Variants in SNPH observed in about 807,000 individuals in gnomAD.
The protein encoded by SNPH is syntaphilin.
Under a neutral mutation model 36.8 loss-of-function variants are expected in SNPH, and 10 were observed. The observed-to-expected ratio is 0.27, with a 90% CI of 0.17 to 0.46. The LOEUF (loss-of-function observed/expected upper bound fraction) is 0.46. Among genes scored for constraint, SNPH ranks in the 20% least tolerant of loss-of-function variants. The pLI is 1.00. For synonymous variants in SNPH, 281 were observed against 312.2 expected, an observed-to-expected ratio of 0.90 and a Z score of 1.05; for missense variants, 622 against 744.0, an observed-to-expected ratio of 0.84 and a Z score of 1.91.
At chr20:1,277,555 C>CTG (rs147950725) in intron 2 of SNPH, among the ~76,000 whole-genome samples, 127,104 of 133,150 alleles carry the variant, frequency 0.95, 60,598 homozygotes, top group Non-Finnish European at 0.97. Context: ...GTGTGTGTAT[C>CTG]TGTGTGTGTG....
At chr20:1,271,175 A>G (rs994758082) in intron 2 of SNPH, among the ~76,000 whole-genome samples, 5 of 152,202 alleles carry the variant, frequency 3.3e-5, no homozygotes, top group African/African-American at 1.2e-4. Context: ...AGCACCGAGG[A>G]GTCAGTAGAC....
chr20:1,273,306 C>T (rs1272444296), intron 2 of SNPH, among the ~76,000 whole-genome samples: 1 of 152,166 alleles, frequency 6.6e-6, no homozygotes, highest in Non-Finnish European at 1.5e-5. Context: ...GTTTCAGGGC[C>T]TTCTAGGATT....
At chr20:1,296,469 G>A in intron 4 of SNPH, 48 bp downstream of exon 4, 1 of 1,508,100 alleles carries the variant, frequency 6.6e-7, no homozygotes, top group Non-Finnish European at 9.0e-7. Flanking sequence ...GGCGGGAGGA[G>A]GGCGCACGGG....
chr20:1,302,657 T>G (rs2088517343), intron 6 of SNPH, among the ~76,000 whole-genome samples: 1 of 152,262 alleles, frequency 6.6e-6, no homozygotes, highest in African/African-American at 2.4e-5. Context: ...CCATAGTCCC[T>G]GGCAACCACT....
At chr20:1,288,256 T>A (rs1235643948) in intron 2 of SNPH, among the ~76,000 whole-genome samples, 1 of 152,240 alleles carries the variant, frequency 6.6e-6, no homozygotes, top group African/African-American at 2.4e-5. Context: ...AAATGTTCAG[T>A]CCTCTAATTT....
intron 5 of SNPH, among the ~76,000 whole-genome samples, chr20:1,299,883 A>G (rs1177112492): frequency 6.6e-6 from 1 of 152,190 alleles, no homozygotes; most frequent in African/African-American, 2.4e-5. Context: ...ACGTGTACGC[A>G]GTGGGGGTGA....
In SNPH at chr20:1,277,521, GTGTCTGTCTGTGCA is replaced by G. The variant is rs756635414; in HGVS notation, c.-493+10765_-493+10778del. Reference sequence around the variant, plus strand: ...TATGTGTGTCCGTGTGTGTGCCTGTGTGTCTGTCTGTGCATGTGTGTCTGTGTGTGTATCTGTGT... The same window carrying G: ...TATGTGTGTCCGTGTGTGTGCCTGTGTGTGTGTCTGTGTGTGTATCTGTGT... On this transcript the variant is annotated intron_variant, in intron 2 of 6. Coordinates refer to ENST00000381867, the MANE Select transcript of SNPH (RefSeq NM_001318234.2). Among the ~76,000 whole-genome samples the G allele has an allele frequency of 3.2e-3, 474 of 148,624 alleles. 3 individuals are homozygous for G. Among genetic ancestry groups the G allele is most frequent in the Non-Finnish European group, 3.8e-3 (257 of 67,132 alleles).
At chr20:1,278,755 C>T (rs966354835) in intron 2 of SNPH, among the ~76,000 whole-genome samples, 7 of 152,152 alleles carry the variant, frequency 4.6e-5, no homozygotes, top group African/African-American at 1.7e-4. Context: ...GCGATCTTGG[C>T]TCACTGCAAC....
rs1289508256 is a variant in SNPH at position 1,294,867 on chromosome 20, G to C, written c.-492-84G>C. 6.6e-6 allele frequency: 1 copy of C among 152,450 alleles called. No individual in the cohort carries two copies. Among genetic ancestry groups the C allele is most frequent in the African/African-American group, 2.4e-5 (1 of 41,374 alleles). 9.4% of individuals were successfully genotyped at this position (152,450 alleles called of 1,614,324 possible). ...GATATTGGCTCTGCCACACACCTGG[G>C]ATGTGACTTGGCCAAGTCCCTTCCC... On this transcript the variant is annotated intron_variant, in intron 2 of 6. Transcript: ENST00000381867. This position sits in a 1 kb window ranked among gnomAD's most constrained non-coding sequence, Gnocchi z 4.4.
chr20:1,289,696 A>G (rs1256752076), intron 2 of SNPH, among the ~76,000 whole-genome samples: 1 of 151,546 alleles, frequency 6.6e-6, no homozygotes, highest in Non-Finnish European at 1.5e-5. Context: ...AGTAAAAAAT[A>G]GATTAGCCAG....
intron 2 of SNPH, among the ~76,000 whole-genome samples, chr20:1,287,038 A>G (rs1440842401): frequency 6.6e-6 from 1 of 152,178 alleles, no homozygotes; most frequent in African/African-American, 2.4e-5. Context: ...GTGGACCATC[A>G]TCTTGCCCTG....
At chr20:1,295,439 CCTGGGTCCACCCA>C (rs750040761) in intron 3 of SNPH, among the ~76,000 whole-genome samples, 12 of 152,220 alleles carry the variant, frequency 7.9e-5, no homozygotes, top group Non-Finnish European at 1.8e-4. Context: ...AACGCTTCCT[CCTGGGTCCACCCA>C]CTGGGACACC....
chr20:1,297,062 C>T (rs1375132499), intron 4 of SNPH, 83 bp from the exon 5 acceptor site: 40 of 1,497,024 alleles, frequency 2.7e-5, no homozygotes, highest in South Asian at 2.6e-4. Context: ...CACTTTGGGC[C>T]GCAGCGGCCT....
rs1208451883 is a variant in SNPH at position 1,296,084 on chromosome 20, TGGA to T, written c.-155_-153del. ...TTCACTCATCTGGAGAACACAGGGT[TGGA>T]CTGATTACTTTTAGCCACTCCTGAC... is the stretch of plus-strand genomic sequence containing the variant. On this transcript the variant is annotated 5_prime_UTR_variant, in exon 4 of 7. Coordinates refer to ENST00000381867, the MANE Select transcript of SNPH (RefSeq NM_001318234.2). The T allele has an allele frequency of 1.7e-6, 1 of 594,794 alleles. No homozygotes were observed. The highest frequency in any genetic ancestry group is 2.8e-6 in the Non-Finnish European group (1 of 353,774). 36.8% of individuals were successfully genotyped at this position (594,794 alleles called of 1,614,324 possible).
chr20:1,289,774 A>G (rs2088333595), intron 2 of SNPH, among the ~76,000 whole-genome samples: 1 of 120,898 alleles, frequency 8.3e-6, no homozygotes. Flanking sequence ...GGCTGCAGTG[A>G]GCTATGATTT....
chr20:1,279,750 G>T (rs2088194351), intron 2 of SNPH, among the ~76,000 whole-genome samples: 1 of 151,494 alleles, frequency 6.6e-6, no homozygotes, highest in Non-Finnish European at 1.5e-5. Flanking sequence ...CAAACAGGGA[G>T]CCTAAGTCCC....
chr20:1,272,124 G>T (rs1369099368), intron 2 of SNPH, among the ~76,000 whole-genome samples: 1 of 152,146 alleles, frequency 6.6e-6, no homozygotes. Context: ...AATACATTTT[G>T]CTTTGTTAAA....
chr20:1,271,867 A>G (rs2088077282), intron 2 of SNPH, among the ~76,000 whole-genome samples: 1 of 152,182 alleles, frequency 6.6e-6, no homozygotes, highest in Admixed American at 6.5e-5. Flanking sequence ...GATTGCTGTC[A>G]TACTGGGACA....
rs1283110013 is a variant in SNPH at position 1,309,004 on chromosome 20, GAC to G, written c.*2955_*2956del. On this transcript the variant is annotated 3_prime_UTR_variant, in exon 7 of 7. Transcript: ENST00000381867. ...CAAGGGGATCACTTAGCTTCTCACT[GAC>G]ACACCCTTCCCAATTGCCACAAGCG... 6.6e-6 allele frequency: 1 copy of G among 152,298 alleles called. No homozygotes were observed. Among genetic ancestry groups the G allele is most frequent in the Non-Finnish European group, 1.5e-5 (1 of 68,086 alleles). The allele number at this position is 152,298 out of a possible 1,614,324, so 9.4% of individuals were successfully genotyped here. A position where few individuals can be genotyped will look rare whatever the true frequency, so the allele number is the denominator to read the frequency against.
Sources: allele counts gnomAD v4.1 joint callset (sites outside exome capture counted in the v4.1 genomes callset), GRCh38; gene constraint gnomAD v4.1.1; non-coding constraint Gnocchi (gnomAD v3.1); transcripts MANE v1.5; gene names NCBI Gene and HGNC (gene_info 2026-07-23, HGNC 2026-07-21).